Variants in ROR1 observed in about 807,000 individuals in gnomAD.
The protein encoded by ROR1 is inactive tyrosine-protein kinase transmembrane receptor ROR1.
A neutral mutation model predicts 78.8 loss-of-function variants in ROR1; 19 were observed. That is an observed-to-expected ratio of 0.24 (90% CI 0.17 to 0.35). The LOEUF (loss-of-function observed/expected upper bound fraction) is 0.35. ROR1 is among the 10% of genes least tolerant of loss of function. ROR1 has a pLI of 1.00. For missense variants in ROR1, 917 were observed against 1,177.8 expected (o/e 0.78, Z 3.24); for synonymous variants, 386 against 433.6 (o/e 0.89, Z 1.36).
chr1:63,821,128 A>C (rs1644920917), intron 1 of ROR1, among the ~76,000 whole-genome samples: 1 of 152,208 alleles, frequency 6.6e-6, no homozygotes, highest in Non-Finnish European at 1.5e-5. Flanking sequence ...AACTACCGTG[A>C]ATTAAGTGTT....
At chr1:64,103,570 A>G (rs900559891) in intron 4 of ROR1, among the ~76,000 whole-genome samples, 2 of 152,160 alleles carry the variant, frequency 1.3e-5, no homozygotes, top group Non-Finnish European at 2.9e-5. Flanking sequence ...ATGGTTGGTG[A>G]TTTAAAGGTG....
In ROR1 at chr1:64,134,607, C is replaced by G. The variant is rs369720250; in HGVS notation, c.483-2762C>G. 1.7e-4 allele frequency among the ~76,000 whole-genome samples: 26 copies of G among 152,216 alleles called. 1 individual carries two copies. Among genetic ancestry groups the G allele is most frequent in the Admixed American group, 9.2e-4 (14 of 15,278 alleles). ...TTTGGTTTTTTTCAGTGTTGTGGTT[C>G]TCAACCACATTCAAATCACCTGATA... On this transcript the variant is annotated intron_variant, in intron 4 of 8. Transcript: ENST00000371079.
Position 63,912,124 on chromosome 1 carries a change from C to CA in ROR1, c.92-97163dup, listed in dbSNP as rs34115831. On this transcript the variant is annotated intron_variant, in intron 1 of 8. Transcript: ENST00000371079. ...AAACAGAGTGAGATCCCCATCTTTACAAAAAAAAAAAAAAAAAATACTAGC... is the reference window on the plus strand; with the variant it reads ...AAACAGAGTGAGATCCCCATCTTTACAAAAAAAAAAAAAAAAAAATACTAGC... Among the ~76,000 whole-genome samples the CA allele has an allele frequency of 6.8e-3, 833 of 123,176 alleles. 8 individuals are homozygous for CA. Among genetic ancestry groups the CA allele is most frequent in the African/African-American group, 0.023 (774 of 34,072 alleles). The allele number at this position is 123,176 out of a possible 152,430, so 80.8% of individuals were successfully genotyped here.
intron 4 of ROR1, among the ~76,000 whole-genome samples, chr1:64,053,540 T>G (rs1331485627): frequency 1.3e-5 from 2 of 152,222 alleles, no homozygotes; most frequent in Non-Finnish European, 2.9e-5. Context: ...ACCTGGGGCA[T>G]GAGTACAAGC....
At chr1:63,789,199 T>G (rs1644710494) in intron 1 of ROR1, 1 of 601,708 alleles carries the variant, frequency 1.7e-6, no homozygotes, top group Non-Finnish European at 3.2e-6. Context: ...TGACAGGAGT[T>G]GGCATTGGAG....
At chr1:63,915,084 G>A (rs1245370264) in intron 1 of ROR1, among the ~76,000 whole-genome samples, 1 of 152,142 alleles carries the variant, frequency 6.6e-6, no homozygotes, top group African/African-American at 2.4e-5. Context: ...TTTGAAGGTA[G>A]GTATTATAGT....
intron 1 of ROR1, among the ~76,000 whole-genome samples, chr1:63,944,156 C>T (rs751480530): frequency 6.6e-6 from 1 of 152,132 alleles, no homozygotes; most frequent in Non-Finnish European, 1.5e-5. Context: ...AATAAACTTG[C>T]TGGAATGTGA....
chr1:64,080,863 T>A (rs910928447), intron 4 of ROR1, among the ~76,000 whole-genome samples: 1 of 152,206 alleles, frequency 6.6e-6, no homozygotes, highest in Admixed American at 6.5e-5. Context: ...CAAGCCAGGA[T>A]AAGACCAAGA....
chr1:63,972,698 C>A (rs543274229), intron 1 of ROR1, among the ~76,000 whole-genome samples: 108 of 152,248 alleles, frequency 7.1e-4, no homozygotes, highest in Non-Finnish European at 1.2e-3. Context: ...TTGGGCATGA[C>A]CCACTGAAAA....
intron 4 of ROR1, among the ~76,000 whole-genome samples, chr1:64,057,042 G>A (rs1646880861): frequency 6.6e-6 from 1 of 152,058 alleles, no homozygotes; most frequent in South Asian, 2.1e-4. Flanking sequence ...CCATTCTTTG[G>A]TTGGTTGTGA....
At chr1:64,074,463 C>A (rs1647033597) in intron 4 of ROR1, among the ~76,000 whole-genome samples, 1 of 152,112 alleles carries the variant, frequency 6.6e-6, no homozygotes, top group African/African-American at 2.4e-5. Flanking sequence ...TTGAACTGAT[C>A]TTAAAGGATG....
intron 1 of ROR1, among the ~76,000 whole-genome samples, chr1:63,855,130 A>G (rs1645140372): frequency 6.6e-6 from 1 of 152,214 alleles, no homozygotes. Context: ...ATACCCATTT[A>G]TGAAATGGAC....
chr1:63,891,718 A>G (rs898356234), intron 1 of ROR1, among the ~76,000 whole-genome samples: 5 of 152,116 alleles, frequency 3.3e-5, no homozygotes, highest in African/African-American at 1.2e-4. Flanking sequence ...AGATGGGTGA[A>G]TTTGATGTCA....
At chr1:64,144,470 G>A (rs1649422969) in intron 7 of ROR1, among the ~76,000 whole-genome samples, 1 of 152,204 alleles carries the variant, frequency 6.6e-6, no homozygotes, top group Non-Finnish European at 1.5e-5. Flanking sequence ...GACAATGAAA[G>A]CTAGCTTTAG....
At chr1:63,952,266 G>A (rs1055350741) in intron 1 of ROR1, among the ~76,000 whole-genome samples, 5 of 151,920 alleles carry the variant, frequency 3.3e-5, no homozygotes, top group Non-Finnish European at 5.9e-5. Flanking sequence ...AAATAGAAAG[G>A]CCCCCAAACA....
In ROR1 at chr1:63,963,958, T is replaced by C. The variant is rs547180279; in HGVS notation, c.92-45347T>C. ...GTGAAGCTACTGTATCAGTCTTATA[T>C]TTTTTTGAGCAAAAGACACACTTCC... is the stretch of plus-strand genomic sequence containing the variant. On this transcript the variant is annotated intron_variant, in intron 1 of 8. Transcript: ENST00000371079. Among the ~76,000 whole-genome samples the C allele has an allele frequency of 2.2e-4, 33 of 152,298 alleles. No individual in the cohort carries two copies. In the South Asian group the frequency reaches 6.4e-3, roughly 30 times the overall value.
chr1:63,818,372 C>G (rs1056407673), intron 1 of ROR1, among the ~76,000 whole-genome samples: 1 of 152,196 alleles, frequency 6.6e-6, no homozygotes, highest in Non-Finnish European at 1.5e-5. Flanking sequence ...TTTTTTCCTA[C>G]AAATATTGTA....
rs1650540132 is a variant in ROR1, at chr1:64,181,324, A to G, written c.*2469A>G. The G allele has an allele frequency of 6.6e-6, 1 of 152,090 alleles. No homozygotes were observed. Among genetic ancestry groups the G allele is most frequent in the Non-Finnish European group, 1.5e-5 (1 of 67,978 alleles). The allele number at this position is 152,090 out of a possible 1,614,324, so 9.4% of individuals were successfully genotyped here. ...TTCACTGCATGCATTTAATCACTGT[A>G]TTACTTAATGTTTGATTTGTTATTA... On this transcript the variant is annotated 3_prime_UTR_variant, in exon 9 of 9. Coordinates refer to ENST00000371079, the MANE Select transcript of ROR1 (RefSeq NM_005012.4).
At chr1:64,013,733 A>G (rs1646495666) in intron 2 of ROR1, among the ~76,000 whole-genome samples, 1 of 152,160 alleles carries the variant, frequency 6.6e-6, no homozygotes, top group Non-Finnish European at 1.5e-5. Context: ...GCTCCAAATT[A>G]TGGGGTACCG....
Sources: allele counts gnomAD v4.1 joint callset (sites outside exome capture counted in the v4.1 genomes callset), GRCh38; gene constraint gnomAD v4.1.1; transcripts MANE v1.5; gene names NCBI Gene and HGNC (gene_info 2026-07-23, HGNC 2026-07-21).